ENOX1: variants seen among roughly 807,000 people sequenced by gnomAD.
The protein encoded by ENOX1 is candidate growth-related and time keeping constitutive hydroquinone (NADH) oxidase.
A neutral mutation model predicts 82.5 loss-of-function variants in ENOX1; 42 were observed. That is an observed-to-expected ratio of 0.51 (90% CI 0.40 to 0.66). The LOEUF (loss-of-function observed/expected upper bound fraction) is 0.66. Ranked by LOEUF, ENOX1 falls within the 30% of genes least tolerant of loss-of-function variation. The pLI is 0.00. For synonymous variants in ENOX1, 271 were observed against 282.2 expected, an observed-to-expected ratio of 0.96 and a Z score of 0.40; for missense variants, 608 against 811.6, an observed-to-expected ratio of 0.75 and a Z score of 3.05.
At chr13:43,236,113 A>T (rs945820825) in intron 15 of ENOX1, among the ~76,000 whole-genome samples, 3 of 152,170 alleles carry the variant, frequency 2.0e-5, no homozygotes, top group Non-Finnish European at 2.9e-5. Flanking sequence ...GGACAAAAGG[A>T]TCCATACTTG....
intron 9 of ENOX1, among the ~76,000 whole-genome samples, chr13:43,340,709 C>A (rs948871064): frequency 6.6e-6 from 1 of 152,154 alleles, no homozygotes; most frequent in Non-Finnish European, 1.5e-5. Flanking sequence ...CAAGTTGAAA[C>A]CTTGTTTCCT....
chr13:43,503,628 G>A (rs1362365951), intron 2 of ENOX1, among the ~76,000 whole-genome samples: 1 of 151,622 alleles, frequency 6.6e-6, no homozygotes, highest in African/African-American at 2.4e-5. Flanking sequence ...CTAAACAAAT[G>A]ATGGTGGAAA....
At chr13:43,720,011 G>C (rs1322439454) in intron 1 of ENOX1, among the ~76,000 whole-genome samples, 1 of 152,190 alleles carries the variant, frequency 6.6e-6, no homozygotes. Context: ...AAAAATTCAA[G>C]ATGTATATCT....
chr13:43,558,209 C>A (rs2079526174), intron 2 of ENOX1, among the ~76,000 whole-genome samples: 3 of 152,194 alleles, frequency 2.0e-5, no homozygotes, highest in Admixed American at 6.5e-5. Context: ...GAACCAGCTG[C>A]TAGTCAACAG....
intron 1 of ENOX1, among the ~76,000 whole-genome samples, chr13:43,713,683 T>A (rs1392339260): frequency 6.6e-6 from 1 of 152,178 alleles, no homozygotes; most frequent in African/African-American, 2.4e-5. Context: ...TCTTCTAGAT[T>A]TTCTAGTTTA....
Position 43,710,819 on chromosome 13 carries a change from TAATC to T in ENOX1, c.-284-43279_-284-43276del, listed in dbSNP as rs531230398. ...CTACAAAATTGCTCTACAGAAACAA[TAATC>T]AAGTAGAAAAATAGAAAATAAGATA... On this transcript the variant is annotated intron_variant, in intron 1 of 16. Transcript: ENST00000690772. Among the ~76,000 whole-genome samples the T allele has an allele frequency of 5.3e-4, 80 of 151,156 alleles. 1 individual carries two copies. The South Asian group carries it at 0.016, about 30-fold the overall frequency.
intron 3 of ENOX1, among the ~76,000 whole-genome samples, chr13:43,433,008 A>G (rs1448544228): frequency 1.3e-5 from 2 of 151,682 alleles, no homozygotes; most frequent in African/African-American, 2.4e-5. Flanking sequence ...GGATGTTGAT[A>G]TGGGGGAGAC....
At chr13:43,441,478 C>A (rs78933543) in intron 3 of ENOX1, among the ~76,000 whole-genome samples, 2,272 of 152,172 alleles carry the variant, frequency 0.015, 66 homozygotes, top group African/African-American at 0.052. Flanking sequence ...GGGAGAGGGG[C>A]CATTTGCAGC....
At chr13:43,681,241 A>G (rs1252273492) in intron 1 of ENOX1, among the ~76,000 whole-genome samples, 1 of 152,176 alleles carries the variant, frequency 6.6e-6, no homozygotes, top group Middle Eastern at 3.2e-3. Flanking sequence ...TATAGAATGG[A>G]AAAGGCTTTA....
intron 2 of ENOX1, among the ~76,000 whole-genome samples, chr13:43,597,245 C>T (rs921224463): frequency 1.3e-5 from 2 of 152,088 alleles, no homozygotes; most frequent in African/African-American, 2.4e-5. Flanking sequence ...TCCTCCGATA[C>T]GTGGGGATTA....
chr13:43,271,899 T>TG (rs1477966034), intron 12 of ENOX1, among the ~76,000 whole-genome samples: 2 of 152,100 alleles, frequency 1.3e-5, no homozygotes, highest in Non-Finnish European at 2.9e-5. Flanking sequence ...GTTTTGTGTG[T>TG]TTTTTTATGT....
intron 2 of ENOX1, among the ~76,000 whole-genome samples, chr13:43,655,188 C>T (rs2084373373): frequency 1.3e-5 from 2 of 152,182 alleles, no homozygotes; most frequent in Non-Finnish European, 2.9e-5. Flanking sequence ...GGGGCAAGGA[C>T]TACAGTCATA....
intron 16 of ENOX1, among the ~76,000 whole-genome samples, chr13:43,221,362 A>G (rs1457209958): frequency 6.6e-6 from 1 of 152,216 alleles, no homozygotes; most frequent in African/African-American, 2.4e-5. Context: ...CGGAGAGACA[A>G]GAGGTTGGGC....
At chr13:43,745,352 A>T (rs1949966131) in intron 1 of ENOX1, among the ~76,000 whole-genome samples, 1 of 152,252 alleles carries the variant, frequency 6.6e-6, no homozygotes, top group Admixed American at 6.5e-5. Context: ...AAAAAAGCAA[A>T]ATATAAAATG....
At chr13:43,234,625 T>G (rs2042435697) in intron 15 of ENOX1, among the ~76,000 whole-genome samples, 1 of 152,226 alleles carries the variant, frequency 6.6e-6, no homozygotes, top group Non-Finnish European at 1.5e-5. Flanking sequence ...TGCTTTTTAT[T>G]GGAGATCCTG....
intron 2 of ENOX1, among the ~76,000 whole-genome samples, chr13:43,574,953 G>A (rs1047455701): frequency 2.0e-5 from 3 of 152,158 alleles, no homozygotes; most frequent in Admixed American, 6.5e-5. Context: ...GGGAAGGTAG[G>A]GAAGGAAAAG....
intron 1 of ENOX1, among the ~76,000 whole-genome samples, chr13:43,748,522 A>G (rs1230153176): frequency 1.3e-5 from 2 of 152,206 alleles, no homozygotes; most frequent in Non-Finnish European, 2.9e-5. Context: ...ATTTTAGCAC[A>G]GAGTTAAAAA....
chr13:43,241,122 A>C (rs1406095852), intron 14 of ENOX1, among the ~76,000 whole-genome samples: 1 of 152,216 alleles, frequency 6.6e-6, no homozygotes, highest in East Asian at 1.9e-4. Flanking sequence ...ACATAAGGAC[A>C]TTGAATCATA....
chr13:43,576,021 C>T (rs1005201063), intron 2 of ENOX1, among the ~76,000 whole-genome samples: 6 of 152,200 alleles, frequency 3.9e-5, no homozygotes, highest in South Asian at 2.1e-4. Context: ...TAATGAGAAA[C>T]GTAATAGAAG....
Sources: allele counts gnomAD v4.1 joint callset (sites outside exome capture counted in the v4.1 genomes callset), GRCh38; gene constraint gnomAD v4.1.1; transcripts MANE v1.5; gene names NCBI Gene and HGNC (gene_info 2026-07-23, HGNC 2026-07-21).